HYDIN: variants seen among roughly 807,000 people sequenced by gnomAD.
The protein encoded by HYDIN is HYDIN axonemal central pair apparatus protein.
In HYDIN, 132 loss-of-function variants were observed where a neutral mutation model predicts 403.9. The observed-to-expected ratio is 0.33, with a 90% CI of 0.28 to 0.38. The LOEUF is 0.38. HYDIN is among the 10% of genes least tolerant of loss of function. The pLI, the probability that HYDIN is intolerant of heterozygous loss-of-function variation, is 1.00. For missense variants in HYDIN, 2,827 were observed against 5,009.5 expected (o/e 0.56, Z 13.15); for synonymous variants, 1,202 against 1,891.7 (o/e 0.64, Z 9.46).
At chr16:70,954,892 C>A (rs575211901) in intron 40 of HYDIN, among the ~76,000 whole-genome samples, 2 of 152,288 alleles carry the variant, frequency 1.3e-5, no homozygotes, top group Non-Finnish European at 2.9e-5. Context: ...AATTTATGAC[C>A]AGTTTCCCTG....
chr16:71,191,550 T>C (rs2087437638), intron 1 of HYDIN, among the ~76,000 whole-genome samples: 1 of 152,132 alleles, frequency 6.6e-6, no homozygotes, highest in African/African-American at 2.4e-5. Flanking sequence ...TCCAGTCCTC[T>C]ACTACACCCA....
At chr16:71,194,002 T>G (rs1281954848) in intron 1 of HYDIN, among the ~76,000 whole-genome samples, 1 of 152,204 alleles carries the variant, frequency 6.6e-6, no homozygotes, top group Non-Finnish European at 1.5e-5. Context: ...TCAAAGAACT[T>G]TAATGTCAAA....
In HYDIN at chr16:70,809,738, C is replaced by T. The variant is rs761440061; in HGVS notation, c.14883+45G>A. ...CTCCTCTCATTGTTTTTGAACCCAG[C>T]GTTCATGTGAGGGAAGGGCAGAAGG... On this transcript the variant is annotated intron_variant, in intron 85 of 85. Transcript: ENST00000393567. 5.0e-5 allele frequency: 72 copies of T among 1,436,822 alleles called. 2 individuals are homozygous for T. In the South Asian group the frequency reaches 6.9e-4, roughly 14 times the overall value. The allele number at this position is 1,436,822 out of a possible 1,614,324, so 89.0% of individuals were successfully genotyped here.
intron 10 of HYDIN, among the ~76,000 whole-genome samples, chr16:71,107,837 A>T (rs1228342099): frequency 6.6e-6 from 1 of 152,238 alleles, no homozygotes; most frequent in Non-Finnish European, 1.5e-5. Context: ...ACCCAAAAGG[A>T]TATAAATTGT....
chr16:70,906,759 C>A (rs1293783757), intron 50 of HYDIN, among the ~76,000 whole-genome samples: 1 of 152,114 alleles, frequency 6.6e-6, no homozygotes, highest in Non-Finnish European at 1.5e-5. Flanking sequence ...TAGTGACCTC[C>A]ATGTTGTTGA....
rs1250043688 is a variant in HYDIN at position 70,874,915 on chromosome 16, T to G, written c.10562A>C (p.His3521Pro). ...TCCTAGCTCATCCTGCAGGTCAACA[T>G]GCAGCTGGCAGAAGGAAAGCAGGGA... ...KNNGVLPAQL[H>P]VDLQDELGVF... The change falls in exon 63 of 86, where the codon CAT (histidine) becomes CCT (proline). Residue 3521 changes from histidine (H) to proline (P), a missense_variant. Physicochemically the swap from His to Pro is moderately conservative, Grantham distance 77. Coordinates refer to ENST00000393567, the MANE Select transcript of HYDIN (RefSeq NM_001270974.2). 2 of 1,598,968 alleles carry G rather than the reference T, an allele frequency of 1.3e-6. No individual in the cohort carries two copies. Among genetic ancestry groups the G allele is most frequent in the Admixed American group, 1.7e-5 (1 of 58,570 alleles).
intron 16 of HYDIN, chr16:71,062,686 T>A (rs2082132115): frequency 6.1e-6 from 1 of 163,554 alleles, no homozygotes; most frequent in Non-Finnish European, 1.3e-5. Context: ...TCATCCCCAC[T>A]CCCTTGCCCT....
chr16:71,179,000 T>C lies in HYDIN; in HGVS notation c.309A>G (p.Ser103=). ...LDQALFQPFP[S]EIIFQNYTPC... ...GAGTGTAGTTCTGAAATATAATTTC[T>C]GATGGAAAGGGCTGGAATAATGCCT... The change falls in exon 4 of 86, where the codon TCA becomes TCG. Residue 103 remains serine, a synonymous_variant. Coordinates refer to ENST00000393567, the MANE Select transcript of HYDIN (RefSeq NM_001270974.2). 6.2e-7 allele frequency: 1 copy of C among 1,609,442 alleles called. No homozygotes were observed. Among genetic ancestry groups the C allele is most frequent in the Non-Finnish European group, 8.5e-7 (1 of 1,175,974 alleles).
intron 75 of HYDIN, among the ~76,000 whole-genome samples, chr16:70,844,141 T>TTA (rs1319100337): frequency 7.7e-6 from 1 of 129,334 alleles, no homozygotes. Flanking sequence ...TGAATGGTAA[T>TTA]GCCTAGGTTT....
chr16:71,212,729 G>T (rs2088663587), intron 1 of HYDIN, among the ~76,000 whole-genome samples: 1 of 150,482 alleles, frequency 6.6e-6, no homozygotes, highest in Admixed American at 6.6e-5. Flanking sequence ...ATCACTGAAG[G>T]CTTGAGTGAA....
At chr16:70,829,860 T>C (rs746430506) in intron 80 of HYDIN, 30 bp from the exon 81 acceptor site, 13 of 1,599,750 alleles carry the variant, frequency 8.1e-6, no homozygotes, top group Non-Finnish European at 1.0e-5. Flanking sequence ...TCATCTTCCA[T>C]GGCACTTCCC....
intron 7 of HYDIN, among the ~76,000 whole-genome samples, chr16:71,137,909 A>G (rs1424415446): frequency 6.7e-6 from 1 of 150,164 alleles, no homozygotes; most frequent in African/African-American, 2.5e-5. Context: ...AACAAAACAA[A>G]ACAAAAGAAA....
intron 50 of HYDIN, among the ~76,000 whole-genome samples, chr16:70,904,779 G>A (rs2076489060): frequency 6.6e-6 from 1 of 151,374 alleles, no homozygotes; most frequent in African/African-American, 2.4e-5. Context: ...TGGGATTACA[G>A]GCATGAGCCA....
At chr16:71,017,070 T>A (rs1373319738) in intron 23 of HYDIN, among the ~76,000 whole-genome samples, 1 of 151,874 alleles carries the variant, frequency 6.6e-6, no homozygotes, top group Non-Finnish European at 1.5e-5. Context: ...CTGGGTACGG[T>A]GGCCCACACC....
chr16:71,199,791 A>T (rs987958), intron 1 of HYDIN, among the ~76,000 whole-genome samples: 56,856 of 151,722 alleles, frequency 0.37, 11,139 homozygotes, highest in East Asian at 0.57. Context: ...GAATTTTTTT[A>T]AAAAAATTTG....
intron 7 of HYDIN, 112 bp downstream of exon 7, chr16:71,152,547 G>C: frequency 1.1e-6 from 1 of 939,588 alleles, no homozygotes; most frequent in Non-Finnish European, 1.6e-6. Flanking sequence ...AAAATCCATT[G>C]TATCATTCTT....
Position 70,837,858 on chromosome 16 carries a change from G to C in HYDIN, c.13074C>G (p.His4358Gln). Reference protein sequence around the residue: ...SIDCLYTNTTHLEVNSRVDVV... With the variant: ...SIDCLYTNTTQLEVNSRVDVV... ...CATCAACACGGGAGTTCACCTCGAGGTGAGTGGTGTTGGTGTACAGACAAT... is the reference window on the plus strand; with the variant it reads ...CATCAACACGGGAGTTCACCTCGAGCTGAGTGGTGTTGGTGTACAGACAAT... Residue 4358 changes from histidine (H) to glutamine (Q), a missense_variant, in exon 77 of 86, where the codon CAC (histidine) becomes CAG (glutamine). Coordinates refer to ENST00000393567, the MANE Select transcript of HYDIN (RefSeq NM_001270974.2). 6.2e-7 allele frequency: 1 copy of C among 1,613,962 alleles called. No individual in the cohort carries two copies. Among genetic ancestry groups the C allele is most frequent in the Non-Finnish European group, 8.5e-7 (1 of 1,179,850 alleles).
intron 66 of HYDIN, among the ~76,000 whole-genome samples, chr16:70,867,951 G>A (rs1380039049): frequency 6.6e-6 from 1 of 152,146 alleles, no homozygotes; most frequent in African/African-American, 2.4e-5. Flanking sequence ...TTACAGGCAT[G>A]AGCCACTGTG....
In HYDIN at chr16:70,862,241, C is replaced by A. The variant is rs12050964; in HGVS notation, c.11584G>T (p.Asp3862Tyr). The change falls in exon 69 of 86, where the codon GAT becomes TAT. Residue 3862 changes from aspartate to tyrosine, a missense_variant. Coordinates refer to ENST00000393567, the MANE Select transcript of HYDIN (RefSeq NM_001270974.2). ...KPDHQGSAQK[D>Y]QLSQGTMHTG... ...TGCATCGTGCCCTGACTAAGCTGAT[C>A]TTTTTGAGCTGAACCTGGGGACAGA... The A allele has an allele frequency of 6.8e-6, 11 of 1,611,954 alleles. No individual in the cohort carries two copies. The highest frequency in any genetic ancestry group is 8.5e-6 in the Non-Finnish European group (10 of 1,179,726).
Sources: gnomAD v4.1 joint callset for allele counts (sites outside exome capture counted in the v4.1 genomes callset) on GRCh38, gnomAD v4.1.1 for gene constraint, MANE v1.5 for transcripts, NCBI Gene and HGNC (gene_info 2026-07-23, HGNC 2026-07-21) for gene names.